The following SGCD variants were observed in gnomAD, a reference collection of about 807,000 sequenced individuals.
SGCD encodes delta-sarcoglycan.
A neutral mutation model predicts 36.6 loss-of-function variants in SGCD; 18 were observed. The observed-to-expected ratio is 0.49, with a 90% CI of 0.34 to 0.73. SGCD has a LOEUF of 0.73. Among genes scored for constraint, SGCD ranks in the 30% least tolerant of loss-of-function variants. The pLI is 0.01. For synonymous variants in SGCD, 133 were observed against 130.6 expected (o/e 1.02, Z -0.12); for missense variants, 387 against 346.7 (o/e 1.12, Z -0.92).
At chr5:156,700,984 T>G (rs1348608574) in intron 7 of SGCD, among the ~76,000 whole-genome samples, 1 of 151,222 alleles carries the variant, frequency 6.6e-6, no homozygotes, top group Non-Finnish European at 1.5e-5. Context: ...GAAGAAACCT[T>G]CCTTAACTTG....
At chr5:155,846,883 C>T in the SGCD span, among the ~76,000 whole-genome samples, 2 of 152,282 alleles carry the variant, frequency 1.3e-5, no homozygotes, top group East Asian at 1.9e-4. Context: ...ACCTCTCAAC[C>T]TCTCCTTCAT....
intron 2 of SGCD, among the ~76,000 whole-genome samples, chr5:156,335,657 C>G (rs1469856717): frequency 6.6e-6 from 1 of 152,118 alleles, no homozygotes; most frequent in Non-Finnish European, 1.5e-5. Flanking sequence ...ACACTCCATC[C>G]CCCTCCTGCC....
intron 3 of SGCD, among the ~76,000 whole-genome samples, chr5:156,303,258 T>G (rs1047225662): frequency 5.3e-5 from 8 of 152,242 alleles, no homozygotes; most frequent in African/African-American, 9.6e-5. Context: ...TGGCCACCAC[T>G]GTCCCAGGCC....
At chr5:156,485,793 G>A (rs981994635) in intron 3 of SGCD, among the ~76,000 whole-genome samples, 1 of 152,178 alleles carries the variant, frequency 6.6e-6, no homozygotes, top group Non-Finnish European at 1.5e-5. Flanking sequence ...CAGCAGGGAA[G>A]TGATATTGGA....
intron 1 of SGCD, among the ~76,000 whole-genome samples, chr5:155,948,058 C>T (rs1757474426): frequency 6.6e-6 from 1 of 152,176 alleles, no homozygotes; most frequent in Non-Finnish European, 1.5e-5. Flanking sequence ...AGGCAGATCA[C>T]CTGAGGTCAG....
intron 1 of SGCD, among the ~76,000 whole-genome samples, chr5:156,113,301 G>A (rs1368319): frequency 0.45 from 69,037 of 152,000 alleles, 17,472 homozygotes; most frequent in African/African-American, 0.69. Context: ...ACTCTCTGCT[G>A]CAAAACTGGA....
chr5:155,846,938 T>C, the SGCD span, among the ~76,000 whole-genome samples: 4 of 152,206 alleles, frequency 2.6e-5, no homozygotes, highest in Admixed American at 2.6e-4. Context: ...ACAAGAATTT[T>C]CATTGTTCCC....
At chr5:156,755,066 T>TC (rs1257705442) in intron 7 of SGCD, among the ~76,000 whole-genome samples, 1 of 152,190 alleles carries the variant, frequency 6.6e-6, no homozygotes, top group Non-Finnish European at 1.5e-5. Context: ...CATAACCCCC[T>TC]CCTGGTGATT....
chr5:155,921,545 C>T (rs1433987573), intron 1 of SGCD, among the ~76,000 whole-genome samples: 2 of 150,538 alleles, frequency 1.3e-5, no homozygotes, highest in Non-Finnish European at 2.9e-5. Flanking sequence ...AAAGGGGACA[C>T]AATCTTTCTT....
chr5:156,565,924 C>A (rs1006197078), intron 4 of SGCD, among the ~76,000 whole-genome samples: 1 of 152,194 alleles, frequency 6.6e-6, no homozygotes, highest in African/African-American at 2.4e-5. Context: ...TTATGTGCCA[C>A]ATTTTCTTTA....
chr5:156,185,125 G>A (rs563374823), intron 3 of SGCD, among the ~76,000 whole-genome samples: 1 of 151,596 alleles, frequency 6.6e-6, no homozygotes, highest in Non-Finnish European at 1.5e-5. Flanking sequence ...TTGTGTTTTG[G>A]TTCTAAATGT....
intron 3 of SGCD, among the ~76,000 whole-genome samples, chr5:156,256,825 CAT>C (rs1335639676): frequency 6.6e-6 from 1 of 152,084 alleles, no homozygotes; most frequent in East Asian, 1.9e-4. Flanking sequence ...ATAATTCTAA[CAT>C]GGTATTTTAG....
At chr5:156,069,819 G>C (rs1046259081) in intron 1 of SGCD, among the ~76,000 whole-genome samples, 4 of 152,010 alleles carry the variant, frequency 2.6e-5, no homozygotes, top group Admixed American at 6.5e-5. Flanking sequence ...GCAGTGGTTT[G>C]TAGCTCTCCT....
At chr5:155,776,094 T>C in the SGCD span, among the ~76,000 whole-genome samples, 22 of 152,188 alleles carry the variant, frequency 1.4e-4, no homozygotes, top group Non-Finnish European at 2.5e-4. Flanking sequence ...TATGATGTTA[T>C]TAGAACTCTA....
intron 6 of SGCD, among the ~76,000 whole-genome samples, chr5:156,628,744 A>ATC (rs1341001950): frequency 6.6e-6 from 1 of 152,236 alleles, no homozygotes; most frequent in Non-Finnish European, 1.5e-5. Flanking sequence ...AAGGGGCTGC[A>ATC]TGCAGGCACC....
rs1225267313 is a variant in SGCD, at chr5:155,965,379, TA to T, written c.-282+94956del. On this transcript the variant is annotated intron_variant, in intron 1 of 9. Coordinates refer to the SGCD transcript ENST00000517913. The stretch of plus-strand genomic sequence containing the variant: ...GGTCCTCTCCCAGCTCCTTTCTAAG[TA>T]TTGTCTTTGCCTCTTATGTCAATCA... Among the ~76,000 whole-genome samples, 3 of 152,232 alleles carry T rather than the reference TA, an allele frequency of 2.0e-5. 1 individual carries two copies. In the East Asian group the frequency reaches 5.8e-4, roughly 29 times the overall value.
the SGCD span, among the ~76,000 whole-genome samples, chr5:155,804,569 A>G: frequency 3.3e-5 from 5 of 152,324 alleles, no homozygotes; most frequent in Admixed American, 3.3e-4. Context: ...GAAGTCATTC[A>G]GGATAGACTC....
chr5:156,425,695 T>A (rs1580974430), intron 3 of SGCD, among the ~76,000 whole-genome samples: 1 of 152,124 alleles, frequency 6.6e-6, no homozygotes, highest in African/African-American at 2.4e-5. Context: ...TATGTAGCCT[T>A]TTATCCCTCA....
At chr5:155,973,406 C>T (rs770946850) in intron 1 of SGCD, among the ~76,000 whole-genome samples, 19 of 152,164 alleles carry the variant, frequency 1.2e-4, no homozygotes, top group Non-Finnish European at 7.4e-5. Flanking sequence ...CTAAGTCGTG[C>T]CAGCACAAGT....
Sources: gnomAD v4.1 joint callset for allele counts (sites outside exome capture counted in the v4.1 genomes callset) on GRCh38, gnomAD v4.1.1 for gene constraint, MANE v1.5 for transcripts, NCBI Gene and HGNC (gene_info 2026-07-23, HGNC 2026-07-21) for gene names.